C12orf42: variants seen among roughly 807,000 people sequenced by gnomAD.
C12orf42 encodes chromosome 12 open reading frame 42.
Under a neutral mutation model 21.6 loss-of-function variants are expected in C12orf42, and 25 were observed. That is an observed-to-expected ratio of 1.16 (90% CI 0.84 to 1.62). The LOEUF is 1.62. Among genes scored for constraint, C12orf42 ranks in the 40% most tolerant of loss-of-function variants. The pLI, the probability that C12orf42 is intolerant of heterozygous loss-of-function variation, is 0.00. For missense variants in C12orf42, 483 were observed against 459.3 expected, an observed-to-expected ratio of 1.05 and a Z score of -0.47; for synonymous variants, 174 against 175.0, an observed-to-expected ratio of 0.99 and a Z score of 0.05.
At chr12:103,075,780 G>C in the C12orf42 span, among the ~76,000 whole-genome samples, 16 of 152,152 alleles carry the variant, frequency 1.1e-4, no homozygotes, top group African/African-American at 4.8e-5. Flanking sequence ...GTCTGACCAG[G>C]GTAGTGTTTA....
chr12:103,393,152 G>A (rs1426067205), intron 3 of C12orf42, among the ~76,000 whole-genome samples: 3 of 152,116 alleles, frequency 2.0e-5, no homozygotes, highest in East Asian at 1.9e-4. Context: ...CCTGAGACCG[G>A]GTAATTTATA....
At chr12:103,164,903 G>T in the C12orf42 span, 6 of 269,202 alleles carry the variant, frequency 2.2e-5, no homozygotes, top group Admixed American at 1.3e-4. Context: ...GCTCAGAGTT[G>T]AGAGAATTTA....
the C12orf42 span, chr12:103,081,010 A>G: frequency 1.3e-5 from 2 of 152,166 alleles, no homozygotes; most frequent in African/African-American, 2.4e-5. Context: ...TTGCCTCTAC[A>G]TGTACTTATG....
intron 2 of C12orf42, among the ~76,000 whole-genome samples, chr12:103,420,087 A>T (rs2049741854): frequency 6.6e-6 from 1 of 152,248 alleles, no homozygotes; most frequent in Non-Finnish European, 1.5e-5. Context: ...GAAATGTTAC[A>T]GAGGGGAAAA....
intron 3 of C12orf42, among the ~76,000 whole-genome samples, chr12:103,393,694 A>G (rs1449495331): frequency 6.6e-6 from 1 of 152,192 alleles, no homozygotes; most frequent in African/African-American, 2.4e-5. Context: ...GTTCACTGCT[A>G]TATGCCTTAA....
At chr12:103,535,118 T>C in the C12orf42 span, among the ~76,000 whole-genome samples, 1 of 152,164 alleles carries the variant, frequency 6.6e-6, no homozygotes, top group African/African-American at 2.4e-5. Context: ...TCTGCCAGAA[T>C]GTGAGAGACT....
the C12orf42 span, among the ~76,000 whole-genome samples, chr12:103,182,601 A>G: frequency 1.3e-5 from 2 of 152,226 alleles, no homozygotes; most frequent in African/African-American, 4.8e-5. Flanking sequence ...CACACTAACC[A>G]CTAGGGGTTT....
chr12:103,482,874 A>C (rs1954569932), intron 1 of C12orf42, among the ~76,000 whole-genome samples: 1 of 151,826 alleles, frequency 6.6e-6, no homozygotes, highest in Admixed American at 6.6e-5. Context: ...ACTCTTCTTC[A>C]GGTTCTTCTT....
intron 4 of C12orf42, among the ~76,000 whole-genome samples, chr12:103,321,422 G>A (rs1229568114): frequency 1.0e-4 from 15 of 144,384 alleles, no homozygotes; most frequent in African/African-American, 3.6e-4. Context: ...TGGTGGGACT[G>A]TAAACTAGTT....
At chr12:103,165,313 G>A in the C12orf42 span, among the ~76,000 whole-genome samples, 94 of 152,276 alleles carry the variant, frequency 6.2e-4, no homozygotes, top group African/African-American at 1.8e-3. Context: ...TAAAAGACAG[G>A]CCCTCTCTTT....
At chr12:103,435,989 G>A (rs1358452892) in intron 2 of C12orf42, among the ~76,000 whole-genome samples, 1 of 150,738 alleles carries the variant, frequency 6.6e-6, no homozygotes, top group East Asian at 2.0e-4. Context: ...AAATGTTAAG[G>A]GCAGCCAGAG....
the C12orf42 span, among the ~76,000 whole-genome samples, chr12:103,085,745 T>C: frequency 1.3e-5 from 2 of 152,154 alleles, no homozygotes; most frequent in Non-Finnish European, 2.9e-5. Flanking sequence ...TTCATTCTCT[T>C]ACTTTCCCCC....
At chr12:103,451,463 C>T (rs1211555366) in intron 2 of C12orf42, among the ~76,000 whole-genome samples, 3 of 152,148 alleles carry the variant, frequency 2.0e-5, no homozygotes, top group Non-Finnish European at 2.9e-5. Flanking sequence ...ATCCTAGCAC[C>T]GCACCCTCCC....
At chr12:103,506,866 ATATATT>A in the C12orf42 span, among the ~76,000 whole-genome samples, 13 of 57,882 alleles carry the variant, frequency 2.2e-4, no homozygotes, top group African/African-American at 8.8e-4. Flanking sequence ...TATTATATAT[ATATATT>A]TATATATTAT....
chr12:103,289,936 T>A (rs2036691088), intron 4 of C12orf42, among the ~76,000 whole-genome samples: 2 of 152,160 alleles, frequency 1.3e-5, no homozygotes, highest in African/African-American at 4.8e-5. Context: ...ATGAGAAAAC[T>A]ATGCAAAAAG....
At chr12:103,297,320 C>T (rs11835949), downstream of C12orf42, among the ~76,000 whole-genome samples, 6,124 of 152,024 alleles carry the variant, frequency 0.04, 409 homozygotes, top group African/African-American at 0.14. Context: ...TTCTTTTGGC[C>T]TAGTATTGAC....
chr12:103,418,612 G>A (rs1162997093), intron 2 of C12orf42, among the ~76,000 whole-genome samples: 1 of 151,892 alleles, frequency 6.6e-6, no homozygotes, highest in Non-Finnish European at 1.5e-5. Context: ...AGTCTCAAGA[G>A]GATGTTTTAT....
At chr12:103,452,687 T>A (rs965175043) in intron 2 of C12orf42, among the ~76,000 whole-genome samples, 1 of 152,124 alleles carries the variant, frequency 6.6e-6, no homozygotes, top group African/African-American at 2.4e-5. Flanking sequence ...CATGGAATAC[T>A]ATGCAGCCAT....
At chr12:103,249,531 A>G (rs2034180458) in intron 10 of C12orf42, among the ~76,000 whole-genome samples, 1 of 152,034 alleles carries the variant, frequency 6.6e-6, no homozygotes, top group East Asian at 1.9e-4. Flanking sequence ...GCAAAATCCT[A>G]TTGGAAGTCC....
Sources: allele counts gnomAD v4.1 joint callset (sites outside exome capture counted in the v4.1 genomes callset), GRCh38; gene constraint gnomAD v4.1.1; transcripts MANE v1.5; gene names NCBI Gene and HGNC (gene_info 2026-07-23, HGNC 2026-07-21).